Variants in SHANK2 observed in about 807,000 individuals in gnomAD.
SHANK2 encodes SH3 and multiple ankyrin repeat domains protein 2.
In SHANK2, 43 loss-of-function variants were observed where a neutral mutation model predicts 133.7. The observed-to-expected ratio is 0.32, with a 90% CI of 0.25 to 0.41. The LOEUF (loss-of-function observed/expected upper bound fraction) is 0.41. Ranked by LOEUF, SHANK2 falls within the 10% of genes least tolerant of loss-of-function variation. SHANK2 has a pLI of 1.00. For missense variants in SHANK2, 1,994 were observed against 2,235.8 expected (o/e 0.89, Z 2.18); for synonymous variants, 1,017 against 952.8 (o/e 1.07, Z -1.24).
intron 10 of SHANK2, among the ~76,000 whole-genome samples, chr11:70,935,681 G>A (rs1340174087): frequency 2.0e-5 from 3 of 152,056 alleles, no homozygotes; most frequent in South Asian, 2.1e-4. Context: ...GCCGGGCCCC[G>A]AGTGGGACAG....
At chr11:70,713,062 C>G (rs886418358) in intron 14 of SHANK2, among the ~76,000 whole-genome samples, 1 of 152,246 alleles carries the variant, frequency 6.6e-6, no homozygotes, top group Non-Finnish European at 1.5e-5. Context: ...AAAAGAATCA[C>G]GTGCTTTGAA....
intron 11 of SHANK2, among the ~76,000 whole-genome samples, chr11:70,845,154 G>A (rs1231981297): frequency 4.3e-5 from 6 of 140,194 alleles, no homozygotes; most frequent in South Asian, 2.3e-4. Context: ...AGCCATGATC[G>A]TGCCACTGCA....
intron 10 of SHANK2, among the ~76,000 whole-genome samples, chr11:70,928,354 A>C (rs1327849521): frequency 6.6e-6 from 1 of 152,132 alleles, no homozygotes; most frequent in Non-Finnish European, 1.5e-5. Flanking sequence ...ACTTGCTACA[A>C]AGCCTTATTC....
At chr11:70,543,596 G>A (rs552073212) in intron 17 of SHANK2, among the ~76,000 whole-genome samples, 109 of 152,316 alleles carry the variant, frequency 7.2e-4, no homozygotes, top group African/African-American at 2.5e-3. Flanking sequence ...AAAGCTGCAC[G>A]CCTTCCCCTG....
At chr11:70,648,790 A>G (rs1310048884) in intron 17 of SHANK2, among the ~76,000 whole-genome samples, 1 of 152,148 alleles carries the variant, frequency 6.6e-6, no homozygotes, top group Non-Finnish European at 1.5e-5. Context: ...CCCTTGTCCA[A>G]GACGGAAGTT....
chr11:70,772,249 G>A (rs1378600664), intron 14 of SHANK2, among the ~76,000 whole-genome samples: 1 of 151,904 alleles, frequency 6.6e-6, no homozygotes, highest in African/African-American at 2.4e-5. Context: ...AGACCAGCCT[G>A]GCCAACATGG....
chr11:70,500,551 G>A lies in SHANK2; in HGVS notation c.2308+19C>T. The stretch of plus-strand genomic sequence containing the variant: ...GGGTGATGGGCAGGGGGCTGAGACA[G>A]ACACTGGGCCTCCCTTACCCTTCTT... On this transcript the variant is annotated intron_variant, in intron 21 of 25. Transcript: ENST00000601538. The surrounding 1 kb of genome is among the most constrained non-coding windows in gnomAD (Gnocchi z 4.5). 1.9e-6 allele frequency: 3 copies of A among 1,600,008 alleles called. No individual in the cohort carries two copies. The highest frequency in any genetic ancestry group is 2.6e-6 in the Non-Finnish European group (3 of 1,173,536).
chr11:70,785,601 C>G (rs550742603), intron 14 of SHANK2, among the ~76,000 whole-genome samples: 14 of 152,330 alleles, frequency 9.2e-5, no homozygotes, highest in African/African-American at 3.1e-4. Flanking sequence ...TCCAGCACCC[C>G]CCAGGGGCTG....
intron 17 of SHANK2, among the ~76,000 whole-genome samples, chr11:70,522,340 G>A (rs933666337): frequency 7.2e-5 from 11 of 152,190 alleles, no homozygotes; most frequent in African/African-American, 1.7e-4. Flanking sequence ...TTTGCTGGAC[G>A]TTGCCAATCA....
intron 11 of SHANK2, among the ~76,000 whole-genome samples, chr11:70,823,820 C>A (rs528365146): frequency 6.7e-6 from 1 of 148,298 alleles, no homozygotes; most frequent in South Asian, 2.2e-4. Flanking sequence ...TGGCCGAGTT[C>A]ATGAGGGACA....
At position 70,939,936 on chromosome 11, in the gene SHANK2, C is replaced by T. The variant is rs567666930; in HGVS notation, c.1108-43369G>A. Among the ~76,000 whole-genome samples the T allele has an allele frequency of 9.3e-4, 141 of 152,182 alleles. 2 individuals are homozygous for T. Among genetic ancestry groups the T allele is most frequent in the Middle Eastern group, 3.4e-3 (1 of 294 alleles). On this transcript the variant is annotated intron_variant, in intron 10 of 25. Transcript: ENST00000601538. ...GTGTCCTTCTAAGAGGGTGATTTGA[C>T]GCAGAAGAGAAGGTAATGTGACCAC...
chr11:70,881,161 C>T (rs1417389357), intron 11 of SHANK2, among the ~76,000 whole-genome samples: 5 of 152,182 alleles, frequency 3.3e-5, no homozygotes, highest in African/African-American at 1.2e-4. Flanking sequence ...TTTCAGCCTC[C>T]TGAGTGGTTG....
chr11:70,896,090 T>C (rs1340820813), intron 11 of SHANK2, among the ~76,000 whole-genome samples: 2 of 152,168 alleles, frequency 1.3e-5, no homozygotes, highest in Non-Finnish European at 2.9e-5. Flanking sequence ...CATGTATCAA[T>C]TTTTATCATT....
intron 17 of SHANK2, among the ~76,000 whole-genome samples, chr11:70,545,278 C>T (rs77059926): frequency 6.6e-5 from 10 of 152,252 alleles, no homozygotes; most frequent in African/African-American, 4.8e-5. Context: ...GTGCCAGTCT[C>T]GTCTTCCTGA....
intron 11 of SHANK2, among the ~76,000 whole-genome samples, chr11:70,833,089 T>A (rs574768762): frequency 3.3e-4 from 51 of 152,354 alleles, no homozygotes; most frequent in African/African-American, 1.2e-3. Flanking sequence ...CCCCAGCTGC[T>A]GTGGTTTCGA....
intron 4 of SHANK2, among the ~76,000 whole-genome samples, chr11:71,114,617 C>G (rs1192304629): frequency 6.6e-6 from 1 of 152,158 alleles, no homozygotes; most frequent in African/African-American, 2.4e-5. Flanking sequence ...AGAAAGTGCG[C>G]TGGTCAGAAG....
chr11:70,944,362 C>T (rs1555084983), intron 10 of SHANK2, among the ~76,000 whole-genome samples: 1 of 152,194 alleles, frequency 6.6e-6, no homozygotes, highest in African/African-American at 2.4e-5. Flanking sequence ...CAGGGCCCTC[C>T]CCGGAGTCCA....
At chr11:70,955,472 CACTT>C (rs1379100488) in intron 10 of SHANK2, among the ~76,000 whole-genome samples, 2 of 147,764 alleles carry the variant, frequency 1.4e-5, no homozygotes, top group East Asian at 2.0e-4. Flanking sequence ...AATGTACACA[CACTT>C]ACAAATACAT....
At chr11:71,102,276 T>C (rs1265485752) in intron 6 of SHANK2, among the ~76,000 whole-genome samples, 1 of 152,088 alleles carries the variant, frequency 6.6e-6, no homozygotes, top group Non-Finnish European at 1.5e-5. Context: ...TTTTTTACAC[T>C]ACTTTTATCA....
Sources: allele counts gnomAD v4.1 joint callset (sites outside exome capture counted in the v4.1 genomes callset), GRCh38; gene constraint gnomAD v4.1.1; non-coding constraint Gnocchi (gnomAD v3.1); transcripts MANE v1.5; gene names NCBI Gene and HGNC (gene_info 2026-07-23, HGNC 2026-07-21).